Variants in SPRR2G observed in about 807,000 individuals in gnomAD.
SPRR2G encodes small proline-rich protein 2G.
Under a neutral mutation model 0.7 loss-of-function variants are expected in SPRR2G, and 1 was observed. The observed-to-expected ratio is 1.49, with a 90% CI of 0.53 to 7.06. The LOEUF (loss-of-function observed/expected upper bound fraction) is 7.06. Ranked by LOEUF, SPRR2G falls within the 30% of genes most tolerant of loss-of-function variation. SPRR2G has a pLI of 0.14. For synonymous variants in SPRR2G, 38 were observed against 33.9 expected (o/e 1.12, Z -0.42); for missense variants, 96 against 88.5 (o/e 1.09, Z -0.34).
At chr1:153,178,567 G>T in the SPRR2G span, among the ~76,000 whole-genome samples, 1 of 152,044 alleles carries the variant, frequency 6.6e-6, no homozygotes, top group Non-Finnish European at 1.5e-5. Context: ...CTATTCAGAT[G>T]ATATAATTTC....
chr1:153,171,828 AAAT>A, the SPRR2G span, among the ~76,000 whole-genome samples: 4 of 152,136 alleles, frequency 2.6e-5, no homozygotes, highest in Non-Finnish European at 2.9e-5. Context: ...TCAACCAGTG[AAAT>A]TAGTGGATGT....
At chr1:153,164,203 A>G in the SPRR2G span, among the ~76,000 whole-genome samples, 2 of 152,230 alleles carry the variant, frequency 1.3e-5, no homozygotes, top group South Asian at 2.1e-4. Flanking sequence ...CACAACCCAA[A>G]GAACAATGAT....
the SPRR2G span, among the ~76,000 whole-genome samples, chr1:153,188,711 C>T: frequency 6.6e-6 from 1 of 152,094 alleles, no homozygotes; most frequent in Non-Finnish European, 1.5e-5. Flanking sequence ...CACCAGGCAC[C>T]ACTGGTGTAT....
At chr1:153,153,472 G>T (rs571808919), upstream of SPRR2G, among the ~76,000 whole-genome samples, 33 of 152,194 alleles carry the variant, frequency 2.2e-4, no homozygotes, top group Non-Finnish European at 1.9e-4. Context: ...TTTGTAAGGT[G>T]CAAATAAAAT....
chr1:153,158,188 A>G, the SPRR2G span, among the ~76,000 whole-genome samples: 1 of 152,184 alleles, frequency 6.6e-6, no homozygotes, highest in East Asian at 1.9e-4. Flanking sequence ...TCAAAAGTCC[A>G]AGTCCAAAGT....
chr1:153,158,566 C>A, the SPRR2G span, among the ~76,000 whole-genome samples: 1 of 152,200 alleles, frequency 6.6e-6, no homozygotes, highest in East Asian at 1.9e-4. Flanking sequence ...GTGCACGGTG[C>A]AAGCTGTCAG....
upstream of SPRR2G, among the ~76,000 whole-genome samples, chr1:153,154,997 A>G (rs1315485713): frequency 6.6e-6 from 1 of 152,112 alleles, no homozygotes; most frequent in Non-Finnish European, 1.5e-5. Flanking sequence ...TGGTTTTCAT[A>G]ATATCCACTT....
chr1:153,175,675 G>A, the SPRR2G span, among the ~76,000 whole-genome samples: 1 of 152,134 alleles, frequency 6.6e-6, no homozygotes, highest in Non-Finnish European at 1.5e-5. Flanking sequence ...TAATTATCAA[G>A]GTAACCATTT....
At chr1:153,198,707 T>C in the SPRR2G span, among the ~76,000 whole-genome samples, 13,014 of 152,052 alleles carry the variant, frequency 0.086, 597 homozygotes, top group Middle Eastern at 0.25. Flanking sequence ...TTAGGAAAAA[T>C]GTGGAAGGTG....
At chr1:153,200,782 C>A in the SPRR2G span, among the ~76,000 whole-genome samples, 2 of 151,416 alleles carry the variant, frequency 1.3e-5, no homozygotes, top group East Asian at 3.9e-4. Flanking sequence ...TCACTGCAAC[C>A]TTTGCCTCCC....
At chr1:153,184,460 T>C in the SPRR2G span, among the ~76,000 whole-genome samples, 1 of 152,206 alleles carries the variant, frequency 6.6e-6, no homozygotes, top group Non-Finnish European at 1.5e-5. Context: ...TTTTATTTTC[T>C]TTGTAGCAAT....
At chr1:153,154,821 C>A (rs534548933), upstream of SPRR2G, among the ~76,000 whole-genome samples, 2 of 152,244 alleles carry the variant, frequency 1.3e-5, no homozygotes, top group Admixed American at 1.3e-4. Flanking sequence ...CCACATCTCA[C>A]TAACCCCTCA....
the SPRR2G span, among the ~76,000 whole-genome samples, chr1:153,170,062 T>A: frequency 6.6e-6 from 1 of 152,240 alleles, no homozygotes; most frequent in African/African-American, 2.4e-5. Flanking sequence ...TTACAAAGTG[T>A]AATGGAATTT....
At chr1:153,194,667 C>T in the SPRR2G span, among the ~76,000 whole-genome samples, 1 of 152,204 alleles carries the variant, frequency 6.6e-6, no homozygotes, top group Non-Finnish European at 1.5e-5. Flanking sequence ...TATCTTGGTG[C>T]TTCCCAAACT....
the SPRR2G span, among the ~76,000 whole-genome samples, chr1:153,194,787 C>T: frequency 6.6e-6 from 1 of 152,208 alleles, no homozygotes; most frequent in African/African-American, 2.4e-5. Context: ...CAGGCATCGG[C>T]TCCTTGGTGC....
chr1:153,170,272 T>G, the SPRR2G span, among the ~76,000 whole-genome samples: 1 of 152,222 alleles, frequency 6.6e-6, no homozygotes, highest in South Asian at 2.1e-4. Context: ...GATCAATTAT[T>G]ACTCCAAAGC....
chr1:153,163,846 C>T, the SPRR2G span, among the ~76,000 whole-genome samples: 3 of 152,128 alleles, frequency 2.0e-5, no homozygotes, highest in African/African-American at 7.2e-5. Flanking sequence ...GTATCCAAAA[C>T]AAAACCCATC....
the SPRR2G span, among the ~76,000 whole-genome samples, chr1:153,184,740 G>T: frequency 6.6e-6 from 1 of 152,140 alleles, no homozygotes; most frequent in Non-Finnish European, 1.5e-5. Context: ...CCAATACTAT[G>T]TTGAAATAGG....
At chr1:153,163,733 G>A in the SPRR2G span, among the ~76,000 whole-genome samples, 1 of 152,074 alleles carries the variant, frequency 6.6e-6, no homozygotes, top group Non-Finnish European at 1.5e-5. Flanking sequence ...TAACTTCTGT[G>A]CACGGCATCT....
Sources: gnomAD v4.1 joint callset for allele counts (sites outside exome capture counted in the v4.1 genomes callset) on GRCh38, gnomAD v4.1.1 for gene constraint, MANE v1.5 for transcripts, NCBI Gene and HGNC (gene_info 2026-07-23, HGNC 2026-07-21) for gene names.